GPR107: variants seen among roughly 807,000 people sequenced by gnomAD.
GPR107 encodes protein GPR107.
Under a neutral mutation model 75.5 loss-of-function variants are expected in GPR107, and 31 were observed. The ratio of observed to expected loss-of-function variants is 0.41; its 90% CI spans 0.31 to 0.55. GPR107 has a LOEUF of 0.55. GPR107 is among the 20% of genes least tolerant of loss of function. GPR107 has a pLI of 0.26. For synonymous variants in GPR107, 267 were observed against 251.3 expected, an observed-to-expected ratio of 1.06 and a Z score of -0.59; for missense variants, 572 against 665.7, an observed-to-expected ratio of 0.86 and a Z score of 1.55.
chr9:130,071,983 T>C (rs1830221597), intron 1 of GPR107, among the ~76,000 whole-genome samples: 2 of 151,064 alleles, frequency 1.3e-5, no homozygotes, highest in Admixed American at 6.6e-5. Flanking sequence ...GCCTTATTAT[T>C]ATTATTTTTG....
Position 130,104,641 on chromosome 9 carries a change from A to G in GPR107, c.1262+91A>G, listed in dbSNP as rs868542967. 12 of 1,052,866 alleles carry G rather than the reference A, an allele frequency of 1.1e-5. 1 individual carries two copies. The highest frequency in any genetic ancestry group is 5.3e-4 in the Middle Eastern group (2 of 3,806). 65.2% of individuals were successfully genotyped at this position (1,052,866 alleles called of 1,614,324 possible). The stretch of plus-strand genomic sequence containing the variant: ...CCATTCCCAAACTGATCTCAGTCAC[A>G]TGGGACGTGTGTTTAAAAGTACAGC... On this transcript the variant is annotated intron_variant, in intron 13 of 17. Transcript: ENST00000347136.
chr9:130,107,291 G>A (rs566306203), intron 13 of GPR107, among the ~76,000 whole-genome samples: 1 of 152,182 alleles, frequency 6.6e-6, no homozygotes, highest in East Asian at 1.9e-4. Flanking sequence ...CACAGATTTG[G>A]CCAGCAGAGG....
At chr9:130,077,020 T>C (rs1589492990) in intron 3 of GPR107, among the ~76,000 whole-genome samples, 3 of 152,050 alleles carry the variant, frequency 2.0e-5, no homozygotes, top group Non-Finnish European at 4.4e-5. Flanking sequence ...CCTGAGTAGC[T>C]GGGACTGCAG....
At chr9:130,132,663 T>A (rs1831854872) in intron 17 of GPR107, among the ~76,000 whole-genome samples, 1 of 152,012 alleles carries the variant, frequency 6.6e-6, no homozygotes, top group Admixed American at 6.5e-5. Context: ...GACATGTACC[T>A]ATAATCCAGG....
In GPR107 at chr9:130,127,582, G is replaced by A. The variant is rs1467117189; in HGVS notation, c.1440+16G>A. ...GCTCTACCAGGTACGCTGCTCACAG[G>A]GCAGAATGCCAGAGAATTTATGCCT... is the stretch of plus-strand genomic sequence containing the variant. On this transcript the variant is annotated intron_variant, in intron 16 of 17. Coordinates refer to ENST00000347136, the MANE Select transcript of GPR107 (RefSeq NM_020960.5). The A allele has an allele frequency of 7.1e-7, 1 of 1,407,810 alleles. No individual in the cohort carries two copies. 87.2% of individuals were successfully genotyped at this position (1,407,810 alleles called of 1,614,324 possible).
At chr9:130,090,830 C>A (rs759416193) in intron 7 of GPR107, 46 bp from the exon 8 acceptor site, 2 of 688,736 alleles carry the variant, frequency 2.9e-6, no homozygotes, top group Non-Finnish European at 5.0e-6. Flanking sequence ...AAATATATAT[C>A]GCTGAGGATT....
At chr9:130,082,320 A>G (rs1022019533) in intron 5 of GPR107, among the ~76,000 whole-genome samples, 4 of 152,176 alleles carry the variant, frequency 2.6e-5, no homozygotes, top group Admixed American at 6.5e-5. Flanking sequence ...CATTTGTGCA[A>G]TGGTGTAGGT....
intron 14 of GPR107, among the ~76,000 whole-genome samples, chr9:130,118,505 C>T (rs1051714664): frequency 1.3e-5 from 2 of 152,050 alleles, no homozygotes; most frequent in Non-Finnish European, 2.9e-5. Context: ...CCTCAGTGGG[C>T]ACTTGTCCTG....
chr9:130,083,443 AT>A, intron 5 of GPR107, 121 bp from the exon 6 acceptor site: 1 of 509,794 alleles, frequency 2.0e-6, no homozygotes, highest in Non-Finnish European at 3.3e-6. Flanking sequence ...AGTCCCCAAG[AT>A]TATTTTGTTT....
At chr9:130,089,411 G>A (rs1043830911) in intron 7 of GPR107, among the ~76,000 whole-genome samples, 3 of 152,160 alleles carry the variant, frequency 2.0e-5, no homozygotes, top group Non-Finnish European at 2.9e-5. Context: ...GAAAGAAGTC[G>A]TCATGATTTC....
intron 14 of GPR107, among the ~76,000 whole-genome samples, chr9:130,107,790 C>T (rs927328170): frequency 6.6e-6 from 1 of 152,138 alleles, no homozygotes; most frequent in Non-Finnish European, 1.5e-5. Context: ...CATTTCCACT[C>T]GTGGTTGTGA....
rs1053231231 is a variant in GPR107, at chr9:130,054,453, C to G, written c.141+380C>G. Among the ~76,000 whole-genome samples, 3 of 152,312 alleles carry G rather than the reference C, an allele frequency of 2.0e-5. No homozygotes were observed. In the South Asian group the frequency reaches 6.2e-4, roughly 32 times the overall value. The stretch of plus-strand genomic sequence containing the variant: ...GCTGGCTTTCCTTGTCCGCGGTCTC[C>G]GCTCTTCTGTGCCCTTGTACTGTAC... On this transcript the variant is annotated intron_variant, in intron 1 of 17. Transcript: ENST00000347136.
chr9:130,072,858 ATGC>A (rs1261138219), intron 1 of GPR107, among the ~76,000 whole-genome samples: 1 of 152,218 alleles, frequency 6.6e-6, no homozygotes, highest in African/African-American at 2.4e-5. Flanking sequence ...AAGCAGCTTC[ATGC>A]TGGACCAATT....
intron 17 of GPR107, among the ~76,000 whole-genome samples, chr9:130,134,208 ACCCAGTT>A (rs2132663377): frequency 6.6e-6 from 1 of 152,300 alleles, no homozygotes; most frequent in African/African-American, 2.4e-5. Context: ...TCACAGAGCC[ACCCAGTT>A]CCCTCATAGA....
At position 130,136,782 on chromosome 9, in the gene GPR107, G is replaced by A. The variant is rs1831969184; in HGVS notation, c.*1661G>A. On this transcript the variant is annotated 3_prime_UTR_variant, in exon 18 of 18. Transcript: ENST00000347136. ...GGGTTCTGTAGGGTGCTCTGAAGGT[G>A]TGATCTGCCTTCTGGCTGATGTGGA... The A allele has an allele frequency of 1.3e-5, 2 of 152,260 alleles. No individual in the cohort carries two copies. The allele number at this position is 152,260 out of a possible 1,614,324, so 9.4% of individuals were successfully genotyped here. A position where few individuals can be genotyped will look rare whatever the true frequency, so the allele number is the denominator to read the frequency against.
At chr9:130,109,860 C>T (rs111241810) in intron 14 of GPR107, among the ~76,000 whole-genome samples, 5,253 of 152,294 alleles carry the variant, frequency 0.034, 309 homozygotes, top group African/African-American at 0.12. Flanking sequence ...TGAGCCCCCG[C>T]GCCCGGCTAG....
intron 16 of GPR107, among the ~76,000 whole-genome samples, chr9:130,127,796 G>A (rs548600163): frequency 1.3e-4 from 20 of 152,172 alleles, no homozygotes; most frequent in African/African-American, 2.4e-4. Context: ...TCCACCTCCC[G>A]GGTTCAAGCG....
At chr9:130,080,637 G>A (rs943586461) in intron 5 of GPR107, among the ~76,000 whole-genome samples, 4 of 151,506 alleles carry the variant, frequency 2.6e-5, no homozygotes, top group Admixed American at 1.3e-4. Context: ...GACTACAGGC[G>A]CCCGCCACCA....
At position 130,136,177 on chromosome 9, in the gene GPR107, A is replaced by G. The variant is rs1482260510; in HGVS notation, c.*1056A>G. ...TGGTCCCCATAGTCCAAGAGTATGT[A>G]TGTGAAGAAAGTGAGCATGATTCAA... is the stretch of plus-strand genomic sequence containing the variant. On this transcript the variant is annotated 3_prime_UTR_variant, in exon 18 of 18. Coordinates refer to ENST00000347136, the MANE Select transcript of GPR107 (RefSeq NM_020960.5). 6.6e-6 allele frequency: 1 copy of G among 152,242 alleles called. No homozygotes were observed. The allele number at this position is 152,242 out of a possible 1,614,324, so 9.4% of individuals were successfully genotyped here.
Sources: allele counts gnomAD v4.1 joint callset (sites outside exome capture counted in the v4.1 genomes callset), GRCh38; gene constraint gnomAD v4.1.1; transcripts MANE v1.5; gene names NCBI Gene and HGNC (gene_info 2026-07-23, HGNC 2026-07-21).